The following LRRC4B variants were observed in gnomAD, a reference collection of about 807,000 sequenced individuals.
The protein encoded by LRRC4B is leucine rich repeat containing 4B, also known as leucine-rich repeat-containing protein 4B.
A neutral mutation model predicts 7.3 loss-of-function variants in LRRC4B; 1 was observed. The observed-to-expected ratio is 0.14, with a 90% CI of 0.05 to 0.65. The LOEUF (loss-of-function observed/expected upper bound fraction) is 0.65, where lower values mean the gene tolerates loss of function less well. Ranked by LOEUF, LRRC4B falls within the 30% of genes least tolerant of loss-of-function variation. The pLI is 0.84. For missense variants in LRRC4B, 730 were observed against 1,041.6 expected (o/e 0.70, Z 4.12); for synonymous variants, 500 against 499.2 (o/e 1.00, Z -0.02).
Position 50,518,620 on chromosome 19 carries a change from C to T in LRRC4B, c.1093G>A (p.Val365Ile). The T allele has an allele frequency of 6.2e-7, 1 of 1,604,122 alleles. No homozygotes were observed. Among genetic ancestry groups the T allele is most frequent in the Admixed American group, 1.7e-5 (1 of 59,466 alleles). The change falls in exon 3 of 3, where the codon GTC becomes ATC. Residue 365 changes from valine to isoleucine, a missense_variant. This residue lies in a region of LRRC4B where 226 missense variants were observed against 448.0 expected (regional missense o/e 0.50). Coordinates refer to ENST00000652263, the MANE Select transcript of LRRC4B (RefSeq NM_001080457.2). ...AGGTCCGTGGGCGGCTCCACGATGA[C>T]GGGCGCATAGCAGGTGAAATGCGAC... ...DQSHFTCYAPVIVEPPTDLNV... is the reference protein window; with the variant it reads ...DQSHFTCYAPIIVEPPTDLNV...
chr19:50,544,514 A>T (rs1263821285), intron 2 of LRRC4B, among the ~76,000 whole-genome samples: 1 of 151,458 alleles, frequency 6.6e-6, no homozygotes, highest in Non-Finnish European at 1.5e-5. Flanking sequence ...CTCAAAAAAA[A>T]AAAATAAATA....
At position 50,555,067 on chromosome 19, in the gene LRRC4B, G is replaced by A. The variant is rs1056799679; in HGVS notation, c.-35-6194C>T. 3.3e-5 allele frequency among the ~76,000 whole-genome samples: 5 copies of A among 152,186 alleles called. No individual in the cohort carries two copies. The highest frequency in any genetic ancestry group is 2.1e-4 in the South Asian group (1 of 4,828). The stretch of plus-strand genomic sequence containing the variant: ...GACACCCCACCACGGCTTCACGCCC[G>A]GCTGGCAGAGGCTCCATGGACTGCC... On this transcript the variant is annotated intron_variant, in intron 1 of 2. Coordinates refer to ENST00000652263, the MANE Select transcript of LRRC4B (RefSeq NM_001080457.2). The surrounding 1 kb of genome is among the most constrained non-coding windows in gnomAD (Gnocchi z 5.2).
At chr19:50,543,324 TGCCAG>T in intron 2 of LRRC4B, among the ~76,000 whole-genome samples, 1 of 137,732 alleles carries the variant, frequency 7.3e-6, no homozygotes, top group Admixed American at 7.2e-5. Context: ...AATGCTCCAG[TGCCAG>T]GCCCTGGTGT....
rs76595454 is a variant in LRRC4B, at chr19:50,562,250, C to T, written c.-36+5694G>A. Among the ~76,000 whole-genome samples, 99 of 152,238 alleles carry T rather than the reference C, an allele frequency of 6.5e-4. No individual in the cohort carries two copies. The East Asian group carries it at 0.014, about 21-fold the overall frequency. On this transcript the variant is annotated intron_variant, in intron 1 of 2. Coordinates refer to ENST00000652263, the MANE Select transcript of LRRC4B (RefSeq NM_001080457.2). ...GGGAGGCGACCTGCAGGGCGGCCCA[C>T]ACCAGGGTTTGGAGTCCCGGCTCTG... is the stretch of plus-strand genomic sequence containing the variant.
At chr19:50,538,556 CTTGTTTTTTTTTTTTTTT>C (rs1981394713) in intron 2 of LRRC4B, among the ~76,000 whole-genome samples, 1 of 96,364 alleles carries the variant, frequency 1.0e-5, no homozygotes, top group African/African-American at 3.7e-5. Flanking sequence ...TGGGTTTTGT[CTTGTTTTTTTTTTTTTTT>C]TTTTTTTTTT....
Position 50,527,357 on chromosome 19 carries a change from T to C in LRRC4B, c.298-7942A>G, listed in dbSNP as rs543878509. On this transcript the variant is annotated intron_variant, in intron 2 of 2. Coordinates refer to ENST00000652263, the MANE Select transcript of LRRC4B (RefSeq NM_001080457.2). Reference sequence around the variant, plus strand: ...GTTTTCTTTCTTTTTTCTTTTTTTTTTTTTTTTTTTAGTAGAGAGGGGGTT... The same window carrying C: ...GTTTTCTTTCTTTTTTCTTTTTTTTCTTTTTTTTTTAGTAGAGAGGGGGTT... Among the ~76,000 whole-genome samples, 36 of 150,236 alleles carry C rather than the reference T, an allele frequency of 2.4e-4. 2 individuals are homozygous for C. The South Asian group carries it at 7.2e-3, about 30-fold the overall frequency.
At chr19:50,523,618 GCGC>G in intron 2 of LRRC4B, among the ~76,000 whole-genome samples, 1 of 148,968 alleles carries the variant, frequency 6.7e-6, no homozygotes, top group Non-Finnish European at 1.5e-5. Context: ...AGCCGAGATC[GCGC>G]CACTGCACTC....
At chr19:50,546,449 ACACT>A (rs1181998473) in intron 2 of LRRC4B, among the ~76,000 whole-genome samples, 1 of 152,086 alleles carries the variant, frequency 6.6e-6, no homozygotes, top group Non-Finnish European at 1.5e-5. Context: ...CCACTGACAA[ACACT>A]CACAAGCATC....
intron 2 of LRRC4B, among the ~76,000 whole-genome samples, chr19:50,535,617 T>C (rs1425352674): frequency 1.3e-5 from 2 of 152,248 alleles, no homozygotes; most frequent in Non-Finnish European, 2.9e-5. Context: ...CTTCTCATAT[T>C]TCTTGCTTGT....
chr19:50,521,991 C>T (rs1980602906), intron 2 of LRRC4B, among the ~76,000 whole-genome samples: 1 of 152,098 alleles, frequency 6.6e-6, no homozygotes, highest in Non-Finnish European at 1.5e-5. Context: ...TCCTGGTCAA[C>T]AAAGCAAGAC....
intron 2 of LRRC4B, among the ~76,000 whole-genome samples, chr19:50,538,886 G>T (rs1033290179): frequency 1.4e-5 from 2 of 146,952 alleles, no homozygotes; most frequent in African/African-American, 5.0e-5. Flanking sequence ...GCGAGCCACC[G>T]CACGCCGCCT....
chr19:50,560,581 C>T (rs1228500406), intron 1 of LRRC4B, among the ~76,000 whole-genome samples: 6 of 152,194 alleles, frequency 3.9e-5, no homozygotes, highest in African/African-American at 4.8e-5. Flanking sequence ...CTCATCACAC[C>T]GTCCTGTGAA....
rs1266361535 is a variant in LRRC4B at position 50,517,628 on chromosome 19, G to A, written c.2085C>T (p.His695=). The A allele has an allele frequency of 2.0e-6, 3 of 1,484,786 alleles. No individual in the cohort carries two copies. In the Admixed American group the frequency reaches 7.6e-5, roughly 38 times the overall value. 92.0% of individuals were successfully genotyped at this position (1,484,786 alleles called of 1,614,324 possible). A position where few individuals can be genotyped will look rare whatever the true frequency, so the allele number is the denominator to read the frequency against. The stretch of plus-strand genomic sequence containing the variant: ...AGCCGCTCTTGAAGAGCAGAGGTTC[G>A]TGGATGGAGTTGAGGCCAGGCGGGC... The part of the protein sequence containing the change: ...GKGPPGLNSI[H]EPLLFKSGSK... Residue 695 remains histidine (H), a synonymous_variant, in exon 3 of 3, where the codon CAC becomes CAT. Transcript: ENST00000652263. The surrounding 1 kb of genome is among the most constrained non-coding windows in gnomAD (Gnocchi z 6.6).
rs756455037 is a variant in LRRC4B at position 50,517,815 on chromosome 19, G to C, written c.1898C>G (p.Ala633Gly). The change falls in exon 3 of 3, where the codon GCC (alanine) becomes GGC (glycine). Residue 633 changes from alanine to glycine, a missense_variant. Physicochemically the swap from Ala to Gly is moderately conservative, Grantham distance 60. Transcript: ENST00000652263. This position sits in a 1 kb window ranked among gnomAD's most constrained non-coding sequence, Gnocchi z 6.6. The stretch of plus-strand genomic sequence containing the variant: ...CCCACTGGCCACGGCGGCCGCGGCG[G>C]CCACGGACACGGCCGAGGCGGCGGG... ...ELPAASAVSV[A>G]AAAAVASGGG... 6.4e-7 allele frequency: 1 copy of C among 1,559,852 alleles called. No homozygotes were observed. Among genetic ancestry groups the C allele is most frequent in the Non-Finnish European group, 8.6e-7 (1 of 1,158,484 alleles).
chr19:50,540,372 T>A lies in LRRC4B; in HGVS notation c.297+8170A>T, dbSNP rs558718232. Among the ~76,000 whole-genome samples the A allele has an allele frequency of 2.9e-3, 445 of 151,858 alleles. 4 individuals are homozygous for A. Among genetic ancestry groups the A allele is most frequent in the African/African-American group, 9.3e-3 (387 of 41,426 alleles). On this transcript the variant is annotated intron_variant, in intron 2 of 2. Transcript: ENST00000652263. ...CTCTTTTATTTAAATTACAAAAAAA[T>A]TTTTTTTTGAGACAGAGTCTTGCTC...
intron 2 of LRRC4B, among the ~76,000 whole-genome samples, chr19:50,536,152 A>G (rs1305724460): frequency 7.7e-6 from 1 of 130,228 alleles, no homozygotes; most frequent in Non-Finnish European, 1.7e-5. Context: ...TTTTTTTTTT[A>G]TGATGGAGTC....
At chr19:50,527,609 C>T (rs1282549131) in intron 2 of LRRC4B, among the ~76,000 whole-genome samples, 1 of 152,118 alleles carries the variant, frequency 6.6e-6, no homozygotes, top group Non-Finnish European at 1.5e-5. Context: ...ATGAACGGCC[C>T]TCTAGAGTAC....
intron 2 of LRRC4B, among the ~76,000 whole-genome samples, chr19:50,520,551 A>G (rs1484018142): frequency 6.6e-6 from 1 of 151,700 alleles, no homozygotes; most frequent in Non-Finnish European, 1.5e-5. Flanking sequence ...AATCACTTGA[A>G]CCTGGGAGGC....
intron 2 of LRRC4B, among the ~76,000 whole-genome samples, chr19:50,536,911 G>A (rs746282267): frequency 5.9e-5 from 9 of 152,148 alleles, no homozygotes; most frequent in Non-Finnish European, 1.2e-4. Context: ...ATCTGAGATG[G>A]GGACAGGGTG....
Sources: gnomAD v4.1 joint callset for allele counts (sites outside exome capture counted in the v4.1 genomes callset) on GRCh38, gnomAD v4.1.1 for gene constraint, gnomAD v4.1.1 regional missense constraint, Gnocchi (gnomAD v3.1) non-coding constraint, MANE v1.5 for transcripts, NCBI Gene and HGNC (gene_info 2026-07-23, HGNC 2026-07-21) for gene names.